ACOXL: variants seen among roughly 807,000 people sequenced by gnomAD.
The protein encoded by ACOXL is acyl-coenzyme A oxidase-like protein.
In ACOXL, 70 loss-of-function variants were observed where a neutral mutation model predicts 71.9. The observed-to-expected ratio is 0.97, with a 90% CI of 0.80 to 1.19. ACOXL has a LOEUF of 1.19. Ranked by LOEUF, ACOXL falls within the 50% of genes most tolerant of loss-of-function variation. ACOXL has a pLI of 0.00. For synonymous variants in ACOXL, 253 were observed against 281.6 expected (o/e 0.90, Z 1.02); for missense variants, 703 against 736.3 (o/e 0.95, Z 0.52).
At chr2:111,001,387 AAAAACAAAAC>A (rs138811808) in intron 14 of ACOXL, among the ~76,000 whole-genome samples, 12 of 151,044 alleles carry the variant, frequency 7.9e-5, no homozygotes, top group African/African-American at 2.7e-4. Flanking sequence ...ACAAGTGGAG[AAAAACAAAAC>A]AAAACAAAAC....
intron 17 of ACOXL, among the ~76,000 whole-genome samples, chr2:111,104,140 T>C (rs1411034162): frequency 6.6e-6 from 1 of 152,214 alleles, no homozygotes; most frequent in Admixed American, 6.5e-5. Context: ...TTCATCCAGG[T>C]GGTCGCACAT....
intron 12 of ACOXL, among the ~76,000 whole-genome samples, chr2:110,949,576 C>T (rs1326790163): frequency 6.6e-6 from 1 of 152,118 alleles, no homozygotes; most frequent in Non-Finnish European, 1.5e-5. Context: ...ATAAAAATCA[C>T]CTTGTGATTA....
intron 9 of ACOXL, among the ~76,000 whole-genome samples, chr2:110,832,430 C>T (rs955838770): frequency 2.1e-4 from 32 of 150,346 alleles, no homozygotes; most frequent in African/African-American, 5.9e-4. Context: ...CCCAGCTACT[C>T]GGGAGGCTGA....
At chr2:110,987,023 A>G in intron 12 of ACOXL, 85 bp from the exon 13 acceptor site, 2 of 1,124,238 alleles carry the variant, frequency 1.8e-6, no homozygotes, top group Non-Finnish European at 2.6e-6. Context: ...GCTAAGTGAC[A>G]AATAGATCTT....
In ACOXL at chr2:111,118,044, T is replaced by C; in HGVS notation, c.*228T>C. 3.3e-6 allele frequency: 2 copies of C among 601,796 alleles called. No homozygotes were observed. Among genetic ancestry groups the C allele is most frequent in the Non-Finnish European group, 5.8e-6 (2 of 343,044 alleles). 37.3% of individuals were successfully genotyped at this position (601,796 alleles called of 1,614,324 possible). A position where few individuals can be genotyped will look rare whatever the true frequency, so the allele number is the denominator to read the frequency against. ...GCGCTGGATCCCTGTGCCCTTTCCC[T>C]GAAACCCAGCCTGGCCTGACTGCAA... is the stretch of plus-strand genomic sequence containing the variant. On this transcript the variant is annotated 3_prime_UTR_variant, in exon 18 of 18. Transcript: ENST00000439055.
In ACOXL at chr2:110,933,514, G is replaced by A. The variant is rs2060554997; in HGVS notation, c.931G>A (p.Asp311Asn). 6.2e-7 allele frequency: 1 copy of A among 1,614,172 alleles called. No individual in the cohort carries two copies. Among genetic ancestry groups the A allele is most frequent in the Non-Finnish European group, 8.5e-7 (1 of 1,179,992 alleles). The change falls in exon 12 of 18, where the codon GAT (aspartate) becomes AAT (asparagine). Residue 311 changes from aspartate (D) to asparagine (N), a missense_variant. Physicochemically the swap from Asp to Asn is conservative, Grantham distance 23. Coordinates refer to ENST00000439055, the MANE Select transcript of ACOXL (RefSeq NM_001142807.4). The stretch of plus-strand genomic sequence containing the variant: ...GTATGCTGGGGCCCTCCTGGATGAG[G>A]ATGTCTTCCAGGGAAAGGAGCTGGT... ...SRYAGALLDE[D>N]VFQGKELVNS... is the part of the protein sequence containing the mutation.
chr2:111,025,301 T>C (rs1158172982), intron 14 of ACOXL, among the ~76,000 whole-genome samples: 1 of 152,236 alleles, frequency 6.6e-6, no homozygotes, highest in East Asian at 1.9e-4. Context: ...ATTTTATATG[T>C]GACTTTATGT....
intron 12 of ACOXL, chr2:110,967,903 CAA>C (rs1167001320): frequency 8.7e-7 from 1 of 1,147,550 alleles, no homozygotes; most frequent in Non-Finnish European, 1.3e-6. Context: ...TAGAAGACGA[CAA>C]GAGGGTAAAA....
chr2:110,963,557 A>T (rs964221610), intron 12 of ACOXL: 1 of 1,538,410 alleles, frequency 6.5e-7, no homozygotes, highest in African/African-American at 1.4e-5. Flanking sequence ...TGGGATCGCA[A>T]ATTTGAAATG....
At chr2:110,893,919 G>T (rs1051958927) in intron 10 of ACOXL, among the ~76,000 whole-genome samples, 1 of 152,136 alleles carries the variant, frequency 6.6e-6, no homozygotes, top group African/African-American at 2.4e-5. Flanking sequence ...ATTTTTTAAA[G>T]GGAGAAAATA....
chr2:110,810,273 T>A (rs1481851124), intron 9 of ACOXL, among the ~76,000 whole-genome samples: 1 of 152,254 alleles, frequency 6.6e-6, no homozygotes, highest in East Asian at 1.9e-4. Context: ...GGAATCACTT[T>A]GTGTTCATCT....
chr2:111,015,580 T>C (rs1448288545), intron 14 of ACOXL, among the ~76,000 whole-genome samples: 1 of 152,164 alleles, frequency 6.6e-6, no homozygotes, highest in Non-Finnish European at 1.5e-5. Flanking sequence ...AGGTTAAAAG[T>C]ACACCTATAC....
chr2:111,012,788 G>C (rs894840588), intron 14 of ACOXL, among the ~76,000 whole-genome samples: 5 of 152,122 alleles, frequency 3.3e-5, no homozygotes, highest in African/African-American at 1.2e-4. Flanking sequence ...AATTTTGTGA[G>C]GTGCAGTAAA....
At chr2:111,113,213 T>C (rs1247986474) in intron 17 of ACOXL, 1 of 152,198 alleles carries the variant, frequency 6.6e-6, no homozygotes, top group Non-Finnish European at 1.5e-5. Flanking sequence ...AAAAAAGCCC[T>C]GGATTAAAAC....
chr2:110,806,312 C>T (rs920662444), intron 9 of ACOXL, among the ~76,000 whole-genome samples: 3 of 152,210 alleles, frequency 2.0e-5, no homozygotes, highest in Admixed American at 1.3e-4. Context: ...CGCCCGTGCA[C>T]CCCAGTTCCT....
At chr2:110,841,522 G>T in intron 10 of ACOXL, 117 bp downstream of exon 10, 1 of 747,800 alleles carries the variant, frequency 1.3e-6, no homozygotes, top group Non-Finnish European at 2.2e-6. Flanking sequence ...TGTGATGTCC[G>T]TGTCGCAGAT....
intron 9 of ACOXL, among the ~76,000 whole-genome samples, chr2:110,826,458 G>A (rs767576486): frequency 2.9e-4 from 44 of 152,158 alleles, no homozygotes; most frequent in Non-Finnish European, 5.3e-4. Flanking sequence ...ATGGGCTTAG[G>A]TACAGCACTT....
At chr2:111,009,040 C>G (rs939381466) in intron 14 of ACOXL, among the ~76,000 whole-genome samples, 6 of 152,260 alleles carry the variant, frequency 3.9e-5, no homozygotes, top group African/African-American at 1.4e-4. Context: ...CGTCACTTGT[C>G]TTTCGACTTT....
Position 110,800,328 on chromosome 2 carries a change from T to C in ACOXL, c.547+1228T>C, listed in dbSNP as rs187585752. Among the ~76,000 whole-genome samples the C allele has an allele frequency of 1.1e-4, 16 of 152,342 alleles. No individual in the cohort carries two copies. The East Asian group carries it at 3.1e-3, about 29-fold the overall frequency. On this transcript the variant is annotated intron_variant, in intron 7 of 17. Coordinates refer to ENST00000439055, the MANE Select transcript of ACOXL (RefSeq NM_001142807.4). ...TTTGGCCTGTAAATGGTTGTGTTCATGTTAACCTGGTGTTCTCCCTGTGTT... is the reference window on the plus strand; with the variant it reads ...TTTGGCCTGTAAATGGTTGTGTTCACGTTAACCTGGTGTTCTCCCTGTGTT...
Sources: gnomAD v4.1 joint callset for allele counts (sites outside exome capture counted in the v4.1 genomes callset) on GRCh38, gnomAD v4.1.1 for gene constraint, MANE v1.5 for transcripts, NCBI Gene and HGNC (gene_info 2026-07-23, HGNC 2026-07-21) for gene names.